The following DOCK1 variants were observed in gnomAD, a reference collection of about 807,000 sequenced individuals.
DOCK1 encodes the protein dedicator of cytokinesis 1.
A neutral mutation model predicts 262.7 loss-of-function variants in DOCK1; 138 were observed. The ratio of observed to expected loss-of-function variants is 0.53; its 90% CI spans 0.46 to 0.61. DOCK1 has a LOEUF of 0.61. Among genes scored for constraint, DOCK1 ranks in the 20% least tolerant of loss-of-function variants. DOCK1 has a pLI of 0.00. For synonymous variants in DOCK1, 866 were observed against 867.4 expected, an observed-to-expected ratio of 1.00 and a Z score of 0.03; for missense variants, 1,908 against 2,370.7, an observed-to-expected ratio of 0.80 and a Z score of 4.05.
intron 1 of DOCK1, among the ~76,000 whole-genome samples, chr10:126,950,123 T>G (rs1447892595): frequency 1.4e-4 from 22 of 152,172 alleles, no homozygotes. Context: ...TTTGTGATAA[T>G]GAAATTAGAT....
intron 29 of DOCK1, among the ~76,000 whole-genome samples, chr10:127,325,036 G>T (rs546961517): frequency 6.6e-6 from 1 of 152,104 alleles, no homozygotes; most frequent in Non-Finnish European, 1.5e-5. Context: ...CGCACAGCCC[G>T]GGAGAGTCCC....
chr10:127,297,862 G>A lies in DOCK1; in HGVS notation c.3044+40433G>A, dbSNP rs548595195. On this transcript the variant is annotated intron_variant, in intron 29 of 51. Transcript: ENST00000623213. The stretch of plus-strand genomic sequence containing the variant: ...AAGCTATGCATTATTCAGACGTGTC[G>A]GAGCGAGAGTGCCCGATTTCACCAC... 1.3e-3 allele frequency among the ~76,000 whole-genome samples: 196 copies of A among 152,072 alleles called. 2 individuals carry two copies. The highest frequency in any genetic ancestry group is 4.5e-3 in the African/African-American group (186 of 41,482).
chr10:127,168,430 C>T (rs61874029), intron 27 of DOCK1, among the ~76,000 whole-genome samples: 6,087 of 152,364 alleles, frequency 0.04, 165 homozygotes, highest in Middle Eastern at 0.085. Flanking sequence ...CTCAGCGCTG[C>T]TTTCTCTCTG....
chr10:126,961,674 A>G (rs1463300821), intron 1 of DOCK1, among the ~76,000 whole-genome samples: 3 of 152,214 alleles, frequency 2.0e-5, no homozygotes, highest in Non-Finnish European at 4.4e-5. Context: ...ATGTGTCAAC[A>G]TGTCCTTTCT....
In DOCK1 at chr10:127,125,466, C is replaced by T. The variant is rs1444326892; in HGVS notation, c.2624-8C>T. 6 of 1,612,246 alleles carry T rather than the reference C, an allele frequency of 3.7e-6. No homozygotes were observed. The highest frequency in any genetic ancestry group is 1.7e-5 in the Admixed American group (1 of 59,982). On this transcript the variant is annotated splice_polypyrimidine_tract_variant and splice_region_variant and intron_variant, in intron 25 of 51. Transcript: ENST00000623213. ...TCACACTGACTGGCAATGCTGTGTC[C>T]TGTGTAGACTGCAGAGAGATCCTGC...
intron 29 of DOCK1, among the ~76,000 whole-genome samples, chr10:127,331,437 A>T (rs1382894535): frequency 1.3e-5 from 2 of 151,936 alleles, no homozygotes; most frequent in Non-Finnish European, 2.9e-5. Flanking sequence ...GCCTGCCACC[A>T]TGCCCGGGTA....
At chr10:127,374,016 T>C in intron 34 of DOCK1, 42 bp from the exon 35 acceptor site, 1 of 1,569,684 alleles carries the variant, frequency 6.4e-7, no homozygotes, top group Non-Finnish European at 8.6e-7. Flanking sequence ...TGAGTTTCTT[T>C]TTCTGAGTGT....
chr10:127,407,246 C>G (rs1016932396), intron 40 of DOCK1, among the ~76,000 whole-genome samples: 1 of 152,148 alleles, frequency 6.6e-6, no homozygotes, highest in African/African-American at 2.4e-5. Context: ...TTATAAACAA[C>G]AGGAATGTAT....
In DOCK1 at chr10:126,916,803, C is replaced by T. The variant is rs557484557; in HGVS notation, c.46+11240C>T. 3.9e-5 allele frequency among the ~76,000 whole-genome samples: 6 copies of T among 152,072 alleles called. 1 individual carries two copies. In the South Asian group the frequency reaches 6.2e-4, roughly 16 times the overall value. Reference sequence around the variant, plus strand: ...TTAGACATTGGTATCTGGAGCTGCCCTCATGGGGTTTATAGTCTGATACAG... The same window carrying T: ...TTAGACATTGGTATCTGGAGCTGCCTTCATGGGGTTTATAGTCTGATACAG... On this transcript the variant is annotated intron_variant, in intron 1 of 51. Coordinates refer to ENST00000623213, the MANE Select transcript of DOCK1 (RefSeq NM_001290223.2).
chr10:127,271,861 A>G lies in DOCK1; in HGVS notation c.3044+14432A>G, dbSNP rs542727923. On this transcript the variant is annotated intron_variant, in intron 29 of 51. Transcript: ENST00000623213. ...AGTTACTCTTTTTATATTTGAGTCC[A>G]CAAAGAAACAATTGCAGCTATAAAT... The G allele has an allele frequency of 3.3e-5, 5 of 152,388 alleles. No homozygotes were observed. In the East Asian group the frequency reaches 9.6e-4, roughly 29 times the overall value. 9.4% of individuals were successfully genotyped at this position (152,388 alleles called of 1,614,324 possible).
At chr10:127,026,068 A>AAAGG in intron 15 of DOCK1, 1 of 221,288 alleles carries the variant, frequency 4.5e-6, no homozygotes, top group Non-Finnish European at 7.9e-6. Context: ...TCAAAAAAAA[A>AAAGG]AAAAGAAAGA....
chr10:127,068,023 A>G (rs912386616), intron 23 of DOCK1, among the ~76,000 whole-genome samples: 3 of 152,104 alleles, frequency 2.0e-5, no homozygotes, highest in African/African-American at 7.2e-5. Context: ...CATTCTAACC[A>G]TCACATGGCG....
At chr10:127,159,804 AAGG>A (rs1226944177) in intron 27 of DOCK1, among the ~76,000 whole-genome samples, 6 of 152,084 alleles carry the variant, frequency 3.9e-5, no homozygotes, top group African/African-American at 1.4e-4. Flanking sequence ...AGGAATGATA[AAGG>A]AGGAGGGTGG....
intron 1 of DOCK1, among the ~76,000 whole-genome samples, chr10:126,967,274 C>G (rs1396808470): frequency 6.6e-6 from 1 of 152,188 alleles, no homozygotes; most frequent in African/African-American, 2.4e-5. Flanking sequence ...GAAGGGGCAA[C>G]TGTGAAAGGC....
chr10:127,315,477 C>G (rs973375170), intron 29 of DOCK1, among the ~76,000 whole-genome samples: 1 of 152,184 alleles, frequency 6.6e-6, no homozygotes, highest in Non-Finnish European at 1.5e-5. Context: ...AGATGACCCT[C>G]TACCAGCCAA....
intron 27 of DOCK1, among the ~76,000 whole-genome samples, chr10:127,205,260 C>G (rs2057662055): frequency 6.6e-6 from 1 of 152,062 alleles, no homozygotes; most frequent in South Asian, 2.1e-4. Context: ...TTGGCTCTTT[C>G]CTTTTTGGTC....
intron 1 of DOCK1, among the ~76,000 whole-genome samples, chr10:126,960,799 CACACACACACATAG>C (rs2037148757): frequency 6.9e-6 from 1 of 145,600 alleles, no homozygotes; most frequent in Non-Finnish European, 1.5e-5. Flanking sequence ...TATACACACA[CACACACACACATAG>C]ATATATACGT....
intron 21 of DOCK1, 30 bp downstream of exon 21, chr10:127,043,194 ACTT>A (rs756114425): frequency 3.6e-5 from 54 of 1,516,728 alleles, no homozygotes; most frequent in East Asian, 6.8e-5. Flanking sequence ...TAAAACCAAT[ACTT>A]CTTTTTTTGG....
chr10:127,053,227 A>G (rs914916053), intron 22 of DOCK1, among the ~76,000 whole-genome samples: 3 of 152,230 alleles, frequency 2.0e-5, no homozygotes, highest in African/African-American at 7.2e-5. Flanking sequence ...CTGTAATCCC[A>G]GCTACTTGGG....
Sources: gnomAD v4.1 joint callset for allele counts (sites outside exome capture counted in the v4.1 genomes callset) on GRCh38, gnomAD v4.1.1 for gene constraint, MANE v1.5 for transcripts, NCBI Gene and HGNC (gene_info 2026-07-23, HGNC 2026-07-21) for gene names.